MIA2: variants seen among roughly 807,000 people sequenced by gnomAD.
The protein encoded by MIA2 is MIA SH3 domain ER export factor 2.
Under a neutral mutation model 167.8 loss-of-function variants are expected in MIA2, and 127 were observed. The ratio of observed to expected loss-of-function variants is 0.76; its 90% CI spans 0.66 to 0.88. MIA2 has a LOEUF of 0.88. MIA2 is among the 40% of genes least tolerant of loss of function. The pLI is 0.00. For synonymous variants in MIA2, 552 were observed against 541.9 expected, an observed-to-expected ratio of 1.02 and a Z score of -0.26; for missense variants, 1,690 against 1,624.7, an observed-to-expected ratio of 1.04 and a Z score of -0.69.
At chr14:39,306,455 A>T (rs2063355145) in intron 17 of MIA2, among the ~76,000 whole-genome samples, 2 of 152,196 alleles carry the variant, frequency 1.3e-5, no homozygotes, top group Non-Finnish European at 2.9e-5. Context: ...ACACTTTAAA[A>T]CAACCAGATC....
chr14:39,243,843 G>T (rs980191991), intron 3 of MIA2, among the ~76,000 whole-genome samples: 6 of 152,288 alleles, frequency 3.9e-5, no homozygotes, highest in Non-Finnish European at 8.8e-5. Flanking sequence ...TCCAGACTGG[G>T]CAACAGAACG....
At chr14:39,367,896 G>A (rs1010623225) in intron 23 of MIA2, among the ~76,000 whole-genome samples, 8 of 151,984 alleles carry the variant, frequency 5.3e-5, no homozygotes, top group African/African-American at 1.9e-4. Context: ...AGTTACAGAG[G>A]AACTACTGCA....
intron 14 of MIA2, among the ~76,000 whole-genome samples, 191 bp from the exon 15 acceptor site, chr14:39,301,938 C>T (rs879489010): frequency 2.0e-5 from 3 of 152,142 alleles, no homozygotes; most frequent in Admixed American, 2.0e-4. Context: ...CTTTTACTTG[C>T]AGAGTTTAAT....
downstream of MIA2, chr14:39,351,381 A>G (rs1352297254): frequency 6.6e-6 from 1 of 151,092 alleles, no homozygotes; most frequent in African/African-American, 2.4e-5. Context: ...CTCACCTCAA[A>G]AAAAAAAAAC....
chr14:39,353,759 C>CT (rs2074452159), downstream of MIA2, among the ~76,000 whole-genome samples: 1 of 152,170 alleles, frequency 6.6e-6, no homozygotes, highest in African/African-American at 2.4e-5. Context: ...GTTCCCCTTC[C>CT]TGTGTCCAAG....
Position 39,265,989 on chromosome 14 carries a change from A to T in MIA2, c.1888-10945A>T, listed in dbSNP as rs1318759436. The T allele has an allele frequency of 6.1e-6, 6 of 985,328 alleles. No individual in the cohort carries two copies. In the African/African-American group the frequency reaches 7.0e-5, roughly 11 times the overall value. The allele number at this position is 985,328 out of a possible 1,614,324, so 61.0% of individuals were successfully genotyped here. A position where few individuals can be genotyped will look rare whatever the true frequency, so the allele number is the denominator to read the frequency against. ...TGGCAAAGGAGAAATAGCAATCTTGAGTTCTGAAAAGCTAGGCCGCATTTT... is the reference window on the plus strand; with the variant it reads ...TGGCAAAGGAGAAATAGCAATCTTGTGTTCTGAAAAGCTAGGCCGCATTTT... On this transcript the variant is annotated intron_variant, in intron 6 of 28. Transcript: ENST00000640607.
intron 23 of MIA2, among the ~76,000 whole-genome samples, chr14:39,374,211 A>T (rs2075004789): frequency 6.6e-6 from 1 of 152,236 alleles, no homozygotes; most frequent in Admixed American, 6.5e-5. Flanking sequence ...CTCAGAGTTG[A>T]TGAAAAATGT....
At chr14:39,348,627 T>C in intron 27 of MIA2, 116 bp from the exon 28 acceptor site, 1 of 1,421,808 alleles carries the variant, frequency 7.0e-7, no homozygotes, top group East Asian at 2.3e-5. Context: ...TCTAGAGCTT[T>C]CTAAGACTAT....
intron 25 of MIA2, among the ~76,000 whole-genome samples, chr14:39,337,724 C>G (rs1369173088): frequency 6.7e-6 from 1 of 149,676 alleles, no homozygotes; most frequent in Non-Finnish European, 1.5e-5. Flanking sequence ...ATATAACATT[C>G]TTTTTTTTTT....
intron 1 of MIA2, among the ~76,000 whole-genome samples, chr14:39,236,407 G>A (rs1317958698): frequency 2.6e-5 from 4 of 152,078 alleles, no homozygotes; most frequent in Admixed American, 6.6e-5. Context: ...GGCAAATTGG[G>A]CTCCACTAGG....
At position 39,300,963 on chromosome 14, in the gene MIA2, C is replaced by T. The variant is rs1049240326; in HGVS notation, c.2619+977C>T. The stretch of plus-strand genomic sequence containing the variant: ...ATATACATATATACACATACATATA[C>T]ACATATATACACATATATACATATA... On this transcript the variant is annotated intron_variant, in intron 14 of 28. Transcript: ENST00000640607. 6.9e-4 allele frequency among the ~76,000 whole-genome samples: 99 copies of T among 143,222 alleles called. 1 individual carries two copies. The highest frequency in any genetic ancestry group is 2.0e-3 in the African/African-American group (76 of 38,736). 94.0% of individuals were successfully genotyped at this position (143,222 alleles called of 152,430 possible).
rs139276903 is a variant in MIA2, at chr14:39,242,586, G to A, written c.336+1939G>A. On this transcript the variant is annotated intron_variant, in intron 3 of 28. Coordinates refer to ENST00000640607, the MANE Select transcript of MIA2 (RefSeq NM_001329214.4). ...GATCCACTTGCCTCGGCCTCCCAAA[G>A]TGCTGGAATTACAGGTGTGAGCCAC... 6.7e-3 allele frequency among the ~76,000 whole-genome samples: 1,020 copies of A among 151,888 alleles called. 12 individuals carry two copies. The highest frequency in any genetic ancestry group is 0.023 in the African/African-American group (974 of 41,456).
chr14:39,314,654 TC>T, intron 19 of MIA2, 84 bp from the exon 20 acceptor site: 4 of 813,502 alleles, frequency 4.9e-6, no homozygotes, highest in Non-Finnish European at 7.1e-6. Context: ...TTCTGGGTTT[TC>T]TAATAAATAT....
intron 23 of MIA2, among the ~76,000 whole-genome samples, chr14:39,364,903 G>A (rs1295768848): frequency 7.2e-5 from 11 of 151,922 alleles, no homozygotes; most frequent in Non-Finnish European, 1.0e-4. Flanking sequence ...ACTTTAAACA[G>A]TTTGACTATA....
At chr14:39,345,625 A>G (rs1052342392) in intron 25 of MIA2, among the ~76,000 whole-genome samples, 2 of 152,224 alleles carry the variant, frequency 1.3e-5, no homozygotes, top group African/African-American at 4.8e-5. Context: ...TAATTTACAT[A>G]TATATAAAAC....
intron 2 of MIA2, among the ~76,000 whole-genome samples, chr14:39,240,254 GT>G (rs1235545849): frequency 1.3e-5 from 2 of 152,136 alleles, no homozygotes; most frequent in Non-Finnish European, 2.9e-5. Context: ...TAAATCTGCA[GT>G]TGACCTGGAC....
At chr14:39,375,289 T>C (rs113666330) in intron 23 of MIA2, among the ~76,000 whole-genome samples, 1 of 152,364 alleles carries the variant, frequency 6.6e-6, no homozygotes, top group Non-Finnish European at 1.5e-5. Flanking sequence ...CTGAGAATGT[T>C]ATCATTAGTT....
intron 26 of MIA2, among the ~76,000 whole-genome samples, chr14:39,346,594 T>A (rs2073304271): frequency 6.6e-6 from 1 of 151,226 alleles, no homozygotes; most frequent in African/African-American, 2.4e-5. Context: ...AAATAAAAAT[T>A]TTTTTTAAAG....
intron 23 of MIA2, among the ~76,000 whole-genome samples, chr14:39,380,209 G>A: frequency 6.6e-6 from 1 of 152,230 alleles, no homozygotes; most frequent in East Asian, 1.9e-4. Flanking sequence ...GGAAAAAAGA[G>A]GAGCTGGAGC....
Sources: gnomAD v4.1 joint callset for allele counts (sites outside exome capture counted in the v4.1 genomes callset) on GRCh38, gnomAD v4.1.1 for gene constraint, MANE v1.5 for transcripts, NCBI Gene and HGNC (gene_info 2026-07-23, HGNC 2026-07-21) for gene names.